The following FBXO15 variants were observed in gnomAD, a reference collection of about 807,000 sequenced individuals.
FBXO15 encodes F-box protein 15, also known as F-box only protein 15.
Under a neutral mutation model 49.5 loss-of-function variants are expected in FBXO15, and 30 were observed. The ratio of observed to expected loss-of-function variants is 0.61; its 90% CI spans 0.45 to 0.82. The LOEUF (loss-of-function observed/expected upper bound fraction) is 0.82. FBXO15 is among the 40% of genes least tolerant of loss of function. FBXO15 has a pLI of 0.00. For synonymous variants in FBXO15, 250 were observed against 232.7 expected (o/e 1.07, Z -0.68); for missense variants, 591 against 631.5 (o/e 0.94, Z 0.69).
chr18:74,074,310 C>T lies in FBXO15; in HGVS notation c.1264-580G>A, dbSNP rs1912164029. On this transcript the variant is annotated intron_variant, in intron 9 of 9. Coordinates refer to ENST00000419743, the MANE Select transcript of FBXO15 (RefSeq NM_001142958.2). This position sits in a 1 kb window ranked among gnomAD's most constrained non-coding sequence, Gnocchi z 4.7. ...CTGGCACCAGCCCTGCTGTCTGCCT[C>T]TCCCTCTCACTCTCTCCCAAGTCTT... Among the ~76,000 whole-genome samples, 1 of 152,182 alleles carries T rather than the reference C, an allele frequency of 6.6e-6. No homozygotes were observed. Among genetic ancestry groups the T allele is most frequent in the Admixed American group, 6.5e-5 (1 of 15,276 alleles).
intron 8 of FBXO15, among the ~76,000 whole-genome samples, chr18:74,094,323 G>A (rs184935472): frequency 6.6e-6 from 1 of 152,048 alleles, no homozygotes; most frequent in African/African-American, 2.4e-5. Context: ...GCAAAATCTG[G>A]TTGTTTAAAA....
At chr18:74,073,755 A>G (rs1215750457) in intron 9 of FBXO15, 25 bp from the exon 10 acceptor site, 1 of 1,587,544 alleles carries the variant, frequency 6.3e-7, no homozygotes, top group Non-Finnish European at 8.6e-7. Context: ...CAGATTGACA[A>G]GGATAAAAAG....
chr18:74,129,005 G>T (rs1015197477), intron 5 of FBXO15, among the ~76,000 whole-genome samples: 4 of 151,426 alleles, frequency 2.6e-5, no homozygotes, highest in African/African-American at 9.7e-5. Flanking sequence ...TCAACAGAAG[G>T]CAGACAAAAT....
At chr18:74,125,748 A>G (rs543333998) in intron 6 of FBXO15, among the ~76,000 whole-genome samples, 2 of 152,344 alleles carry the variant, frequency 1.3e-5, no homozygotes, top group Non-Finnish European at 2.9e-5. Flanking sequence ...GCAGAACAGC[A>G]GAACAACAGA....
intron 3 of FBXO15, among the ~76,000 whole-genome samples, chr18:74,132,161 A>G (rs1361300578): frequency 6.6e-6 from 1 of 152,266 alleles, no homozygotes; most frequent in African/African-American, 2.4e-5. Context: ...GTAAGCGGAC[A>G]GATGCAATGC....
At chr18:74,123,662 G>T in intron 7 of FBXO15, 152 bp from the exon 8 acceptor site, 1 of 860,020 alleles carries the variant, frequency 1.2e-6, no homozygotes, top group Non-Finnish European at 1.7e-6. Flanking sequence ...CTTCAATACT[G>T]TGAACTTAAA....
intron 3 of FBXO15, among the ~76,000 whole-genome samples, chr18:74,132,499 G>A (rs1978454980): frequency 6.6e-6 from 1 of 152,108 alleles, no homozygotes; most frequent in Admixed American, 6.5e-5. Flanking sequence ...ACTAACATTC[G>A]TATGATGAAC....
Position 74,074,845 on chromosome 18 carries a change from T to A in FBXO15, c.1264-1115A>T, listed in dbSNP as rs1912193259. Among the ~76,000 whole-genome samples, 1 of 152,194 alleles carries A rather than the reference T, an allele frequency of 6.6e-6. No individual in the cohort carries two copies. The highest frequency in any genetic ancestry group is 2.4e-5 in the African/African-American group (1 of 41,450). ...AAAAAGGCCTGAAGAGCACTGCCCATGGACCTAGCCCACCCACTAGCCAGC... is the reference window on the plus strand; with the variant it reads ...AAAAAGGCCTGAAGAGCACTGCCCAAGGACCTAGCCCACCCACTAGCCAGC... On this transcript the variant is annotated intron_variant, in intron 9 of 9. Transcript: ENST00000419743. The surrounding 1 kb of genome is among the most constrained non-coding windows in gnomAD (Gnocchi z 4.7).
chr18:74,135,885 A>C lies in FBXO15; in HGVS notation c.228-19T>G, dbSNP rs748742837. 1.3e-4 allele frequency: 196 copies of C among 1,452,922 alleles called. No individual in the cohort carries two copies. The highest frequency in any genetic ancestry group is 1.7e-4 in the Non-Finnish European group (183 of 1,084,938). The allele number at this position is 1,452,922 out of a possible 1,614,324, so 90.0% of individuals were successfully genotyped here. ...AGGCATTCTGCAAAAACAGAAAAAG[A>C]AAAAAAAAATCACCAGAGTGGACCA... is the stretch of plus-strand genomic sequence containing the variant. On this transcript the variant is annotated intron_variant, in intron 2 of 9. Coordinates refer to ENST00000419743, the MANE Select transcript of FBXO15 (RefSeq NM_001142958.2).
chr18:74,112,477 C>G (rs1443521658), intron 8 of FBXO15, among the ~76,000 whole-genome samples: 1 of 151,974 alleles, frequency 6.6e-6, no homozygotes, highest in Non-Finnish European at 1.5e-5. Flanking sequence ...TCAACAAAAT[C>G]CAGGAAAAAA....
chr18:74,095,388 G>A (rs994651002), intron 8 of FBXO15, among the ~76,000 whole-genome samples: 2 of 152,154 alleles, frequency 1.3e-5, no homozygotes, highest in Non-Finnish European at 2.9e-5. Context: ...TGAGAGACAT[G>A]CAACTCTTCA....
chr18:74,103,021 G>A (rs1170536675), intron 8 of FBXO15, among the ~76,000 whole-genome samples: 3 of 151,932 alleles, frequency 2.0e-5, no homozygotes, highest in Admixed American at 2.0e-4. Context: ...CTGAGGAGAC[G>A]GGTGCACCAA....
intron 8 of FBXO15, among the ~76,000 whole-genome samples, chr18:74,102,358 C>G (rs893938012): frequency 3.3e-5 from 5 of 152,078 alleles, no homozygotes; most frequent in Non-Finnish European, 5.9e-5. Flanking sequence ...AAAAAATGCT[C>G]AGCATCACTA....
intron 8 of FBXO15, among the ~76,000 whole-genome samples, chr18:74,115,024 G>A (rs1207875559): frequency 6.6e-6 from 1 of 152,158 alleles, no homozygotes; most frequent in Non-Finnish European, 1.5e-5. Context: ...ATAATGTCTA[G>A]AAGCATGAGC....
intron 1 of FBXO15, 166 bp downstream of exon 1, chr18:74,147,504 A>C: frequency 1.6e-6 from 2 of 1,240,930 alleles, no homozygotes; most frequent in Non-Finnish European, 2.0e-6. Flanking sequence ...CCCACGTTGC[A>C]GGGTAGAAAG....
intron 7 of FBXO15, 125 bp downstream of exon 7, chr18:74,124,364 T>G: frequency 1.4e-6 from 1 of 736,164 alleles, no homozygotes; most frequent in Middle Eastern, 3.3e-4. Context: ...TGCCTGTTGG[T>G]TTGTGTTTAC....
At chr18:74,134,841 C>T (rs753492659) in intron 3 of FBXO15, among the ~76,000 whole-genome samples, 1 of 152,086 alleles carries the variant, frequency 6.6e-6, no homozygotes, top group East Asian at 1.9e-4. Context: ...CCAGGGTTAA[C>T]TAATATGACA....
At chr18:74,144,653 A>AATCT (rs58954889) in intron 1 of FBXO15, among the ~76,000 whole-genome samples, 13,326 of 150,186 alleles carry the variant, frequency 0.089, 1,068 homozygotes, top group African/African-American at 0.21. Context: ...TCTACTAAAT[A>AATCT]ATCTGTCTTT....
intron 1 of FBXO15, among the ~76,000 whole-genome samples, chr18:74,143,869 T>C (rs1979239577): frequency 6.6e-6 from 1 of 152,232 alleles, no homozygotes. Flanking sequence ...ACATGCACTT[T>C]GTGTCCTTTC....
Sources: gnomAD v4.1 joint callset for allele counts (sites outside exome capture counted in the v4.1 genomes callset) on GRCh38, gnomAD v4.1.1 for gene constraint, Gnocchi (gnomAD v3.1) non-coding constraint, MANE v1.5 for transcripts, NCBI Gene and HGNC (gene_info 2026-07-23, HGNC 2026-07-21) for gene names.